SPECC1: variants seen among roughly 807,000 people sequenced by gnomAD.
SPECC1 encodes sperm antigen with calponin homology and coiled-coil domains 1, also known as cytospin-B.
In SPECC1, 62 loss-of-function variants were observed where a neutral mutation model predicts 104.1. The observed-to-expected ratio is 0.60, with a 90% CI of 0.49 to 0.74. SPECC1 has a LOEUF of 0.74. Ranked by LOEUF, SPECC1 falls within the 30% of genes least tolerant of loss-of-function variation. SPECC1 has a pLI of 0.00. For missense variants in SPECC1, 1,306 were observed against 1,310.5 expected (o/e 1.00, Z 0.05); for synonymous variants, 513 against 501.6 (o/e 1.02, Z -0.30).
At chr17:20,020,455 C>G (rs1302180759) in intron 1 of SPECC1, among the ~76,000 whole-genome samples, 3 of 152,150 alleles carry the variant, frequency 2.0e-5, no homozygotes, top group Non-Finnish European at 4.4e-5. Flanking sequence ...CCTGCCTCAG[C>G]CTCCAGAGTA....
chr17:20,174,328 A>G (rs2034309661), intron 3 of SPECC1, among the ~76,000 whole-genome samples: 1 of 152,246 alleles, frequency 6.6e-6, no homozygotes, highest in Non-Finnish European at 1.5e-5. Context: ...AATAAATTTT[A>G]AAAATTAAAT....
At chr17:20,075,824 G>T (rs757269270) in intron 1 of SPECC1, among the ~76,000 whole-genome samples, 14 of 152,128 alleles carry the variant, frequency 9.2e-5, no homozygotes, top group Non-Finnish European at 1.8e-4. Context: ...ATGTGCACCT[G>T]TAGCACCAGC....
At chr17:20,022,450 T>C (rs1446648868) in intron 1 of SPECC1, among the ~76,000 whole-genome samples, 4 of 152,198 alleles carry the variant, frequency 2.6e-5, no homozygotes, top group African/African-American at 9.7e-5. Context: ...TCCTAATATG[T>C]TATACGTCAG....
At chr17:20,245,649 TAC>T (rs1403610634) in intron 7 of SPECC1, among the ~76,000 whole-genome samples, 1 of 152,186 alleles carries the variant, frequency 6.6e-6, no homozygotes, top group Non-Finnish European at 1.5e-5. Context: ...AGAGTAGCCA[TAC>T]ACACTTTTTA....
At chr17:20,298,982 G>GTGTGTGTGTGT (rs1567617382) in intron 13 of SPECC1, among the ~76,000 whole-genome samples, 5 of 31,964 alleles carry the variant, frequency 1.6e-4, no homozygotes, top group South Asian at 2.4e-3. Flanking sequence ...TATGTAGAGA[G>GTGTGTGTGTGT]AGAGAGAGAG....
chr17:20,010,679 A>G (rs1010946662), intron 1 of SPECC1, among the ~76,000 whole-genome samples: 2 of 152,232 alleles, frequency 1.3e-5, no homozygotes, highest in Non-Finnish European at 2.9e-5. Context: ...TCTGTTAAAC[A>G]ACAGATGTCT....
intron 3 of SPECC1, among the ~76,000 whole-genome samples, chr17:20,194,689 A>G (rs1336829977): frequency 6.6e-6 from 1 of 151,496 alleles, no homozygotes; most frequent in Non-Finnish European, 1.5e-5. Context: ...GTATTTTAGT[A>G]GAGATGGGGT....
intron 2 of SPECC1, among the ~76,000 whole-genome samples, chr17:20,107,144 CAAA>C (rs531912350): frequency 8.8e-5 from 6 of 68,192 alleles, no homozygotes; most frequent in African/African-American, 4.1e-4. Context: ...ACTCGTGTCT[CAAA>C]AAAAAAAAAA....
At chr17:20,237,343 T>G (rs1439414695) in intron 7 of SPECC1, 3 of 1,019,626 alleles carry the variant, frequency 2.9e-6, no homozygotes, top group Middle Eastern at 4.2e-4. Flanking sequence ...AGACAGAGTT[T>G]CACTCTTGTT....
At chr17:20,278,276 G>A (rs1467894792) in intron 12 of SPECC1, among the ~76,000 whole-genome samples, 2 of 152,210 alleles carry the variant, frequency 1.3e-5, no homozygotes, top group Admixed American at 1.3e-4. Context: ...TGGGCTCCAG[G>A]CTTCTGTAAG....
intron 3 of SPECC1, among the ~76,000 whole-genome samples, chr17:20,170,548 G>T (rs1377502818): frequency 2.0e-5 from 3 of 152,096 alleles, no homozygotes; most frequent in Non-Finnish European, 4.4e-5. Flanking sequence ...GTATCACTGG[G>T]ACCTTGCCCA....
At chr17:20,066,398 A>G (rs905828135) in intron 1 of SPECC1, among the ~76,000 whole-genome samples, 1 of 152,212 alleles carries the variant, frequency 6.6e-6, no homozygotes, top group Non-Finnish European at 1.5e-5. Context: ...TGTTCTGTGC[A>G]GAGCTGGCTG....
intron 3 of SPECC1, among the ~76,000 whole-genome samples, chr17:20,138,709 T>C (rs2030353747): frequency 6.6e-6 from 1 of 152,240 alleles, no homozygotes; most frequent in African/African-American, 2.4e-5. Context: ...AGTTCATTTC[T>C]TTTTAGCACT....
rs559975361 is a variant in SPECC1 at position 20,137,733 on chromosome 17, T to C, written c.283+27171T>C. Among the ~76,000 whole-genome samples the C allele has an allele frequency of 6.9e-5, 10 of 145,902 alleles. No homozygotes were observed. The South Asian group carries it at 2.2e-3, about 32-fold the overall frequency. ...CAGGCTGGAGTGCAGTGGCACAATC[T>C]TGGCTTACTGCAACCTCTGCCTCCC... On this transcript the variant is annotated intron_variant, in intron 3 of 14. Coordinates refer to ENST00000395527, the MANE Select transcript of SPECC1 (RefSeq NM_001243439.2).
chr17:20,131,804 C>T (rs968025654), intron 3 of SPECC1, among the ~76,000 whole-genome samples: 2 of 151,950 alleles, frequency 1.3e-5, no homozygotes, highest in African/African-American at 4.8e-5. Context: ...TGCGCACCAC[C>T]ACGCCTGGCT....
chr17:20,164,712 G>A (rs773532872), intron 3 of SPECC1, among the ~76,000 whole-genome samples: 1 of 152,026 alleles, frequency 6.6e-6, no homozygotes, highest in Non-Finnish European at 1.5e-5. Context: ...TACTTTGCCC[G>A]GGTATAGAAT....
intron 4 of SPECC1, among the ~76,000 whole-genome samples, chr17:20,210,253 A>T (rs2037047131): frequency 6.6e-6 from 1 of 152,218 alleles, no homozygotes; most frequent in African/African-American, 2.4e-5. Flanking sequence ...TATCCAGGTG[A>T]TGTATTGATA....
At chr17:20,120,835 G>A (rs2048991826) in intron 3 of SPECC1, among the ~76,000 whole-genome samples, 1 of 152,092 alleles carries the variant, frequency 6.6e-6, no homozygotes, top group African/African-American at 2.4e-5. Flanking sequence ...CTGTCCTCAG[G>A]GAGAATCCCT....
chr17:20,210,899 G>A (rs983285795), intron 4 of SPECC1, among the ~76,000 whole-genome samples: 9 of 152,158 alleles, frequency 5.9e-5, no homozygotes, highest in Non-Finnish European at 1.5e-5. Flanking sequence ...TGTTTGCTCA[G>A]GGGGTTTTCT....
Sources: gnomAD v4.1 joint callset for allele counts (sites outside exome capture counted in the v4.1 genomes callset) on GRCh38, gnomAD v4.1.1 for gene constraint, MANE v1.5 for transcripts, NCBI Gene and HGNC (gene_info 2026-07-23, HGNC 2026-07-21) for gene names.